Variants in CIB1 observed in about 807,000 individuals in gnomAD.
CIB1 encodes the protein calcium and integrin binding 1.
In CIB1, 19 loss-of-function variants were observed where a neutral mutation model predicts 25.0. That is an observed-to-expected ratio of 0.76 (90% CI 0.53 to 1.12). CIB1 has a LOEUF of 1.12. Among genes scored for constraint, CIB1 ranks in the 50% most tolerant of loss-of-function variants. CIB1 has a pLI of 0.00. For missense variants in CIB1, 236 were observed against 242.6 expected, an observed-to-expected ratio of 0.97 and a Z score of 0.18; for synonymous variants, 104 against 98.5, an observed-to-expected ratio of 1.06 and a Z score of -0.33.
the CIB1 span, chr15:90,258,452 G>T: frequency 1.5e-6 from 1 of 650,228 alleles, no homozygotes. Context: ...GTCAAATCTT[G>T]GTGGTTTTTG....
the CIB1 span, among the ~76,000 whole-genome samples, chr15:90,247,493 C>T: frequency 2.0e-5 from 3 of 151,056 alleles, no homozygotes; most frequent in East Asian, 3.9e-4. Context: ...GTCTGTGAAT[C>T]GGGCAGCCCA....
At chr15:90,233,950 CCTTGGGCCGCGTCA>C, upstream of CIB1, 1 of 1,430,332 alleles carries the variant, frequency 7.0e-7, no homozygotes, top group Non-Finnish European at 9.1e-7. Flanking sequence ...TCACTTCCGC[CCTTGGGCCGCGTCA>C]CTGCCCGGTC....
the CIB1 span, chr15:90,265,696 G>A: frequency 1.1e-5 from 17 of 1,613,012 alleles, no homozygotes; most frequent in Non-Finnish European, 1.4e-5. Context: ...GACTGCTGAA[G>A]GCTGGTTTGC....
At chr15:90,262,253 C>T in the CIB1 span, 71 of 1,431,246 alleles carry the variant, frequency 5.0e-5, 1 homozygote, top group East Asian at 5.0e-4. Flanking sequence ...AGCTGCATTG[C>T]TTCCCAGCAG....
chr15:90,262,970 T>C, the CIB1 span: 1 of 1,535,630 alleles, frequency 6.5e-7, no homozygotes, highest in Non-Finnish European at 8.7e-7. Flanking sequence ...TTGTAGCTGC[T>C]GCCGGGACAG....
At chr15:90,259,610 C>G in the CIB1 span, among the ~76,000 whole-genome samples, 10 of 152,320 alleles carry the variant, frequency 6.6e-5, no homozygotes, top group African/African-American at 2.4e-4. Flanking sequence ...TTCACACTGT[C>G]TGCACCCTGG....
the CIB1 span, chr15:90,262,723 C>T: frequency 7.1e-6 from 10 of 1,416,416 alleles, no homozygotes; most frequent in East Asian, 2.5e-4. Flanking sequence ...GTTGGGACAA[C>T]TAGATAGGGG....
chr15:90,263,985 C>A, the CIB1 span: 3 of 1,535,974 alleles, frequency 2.0e-6, no homozygotes, highest in South Asian at 2.4e-5. Flanking sequence ...CGGCAGCCAT[C>A]AACTCCTGTT....
At chr15:90,248,697 C>A in the CIB1 span, among the ~76,000 whole-genome samples, 8 of 106,958 alleles carry the variant, frequency 7.5e-5, no homozygotes, top group East Asian at 2.2e-3. Context: ...CCAGCCTGGG[C>A]TACAAAGCAA....
rs1048420091 is a variant in CIB1 at position 90,230,966 on chromosome 15, C to G, written c.522G>C (p.Gln174His). ...RDGTINLSEF[Q>H]HVISRSPDFA... ...AGTCTGGAGAACGGGAGATGACGTGCTGGAACTCAGAGAGGTTGATGGTTC... is the reference window on the plus strand; with the variant it reads ...AGTCTGGAGAACGGGAGATGACGTGGTGGAACTCAGAGAGGTTGATGGTTC... The change falls in exon 6 of 7, where the codon CAG becomes CAC. Residue 174 changes from glutamine to histidine, a missense_variant. Coordinates refer to ENST00000328649, the MANE Select transcript of CIB1 (RefSeq NM_006384.4). 6.2e-7 allele frequency: 1 copy of G among 1,614,182 alleles called. No homozygotes were observed. Among genetic ancestry groups the G allele is most frequent in the Middle Eastern group, 1.7e-4 (1 of 6,060 alleles).
the CIB1 span, among the ~76,000 whole-genome samples, chr15:90,248,094 C>T: frequency 6.6e-6 from 1 of 151,802 alleles, no homozygotes; most frequent in Non-Finnish European, 1.5e-5. Context: ...AGCTGAAGTG[C>T]AGTGGCATAA....
the CIB1 span, chr15:90,245,607 CA>C: frequency 3.3e-5 from 5 of 152,100 alleles, no homozygotes; most frequent in African/African-American, 1.2e-4. Context: ...TCCAGTATCA[CA>C]CTTAATTTTG....
chr15:90,247,448 T>C, the CIB1 span, among the ~76,000 whole-genome samples: 2 of 151,282 alleles, frequency 1.3e-5, no homozygotes, highest in Non-Finnish European at 1.5e-5. Flanking sequence ...GAGAGTTTCA[T>C]ATGAGAGTAT....
intron 6 of CIB1, 32 bp downstream of exon 6, chr15:90,230,902 G>C (rs370911524): frequency 6.3e-7 from 1 of 1,583,256 alleles, no homozygotes; most frequent in East Asian, 2.2e-5. Flanking sequence ...GAACCTGCAG[G>C]TACCCAGAAT....
At chr15:90,258,044 G>A in the CIB1 span, 1 of 1,614,014 alleles carries the variant, frequency 6.2e-7, no homozygotes, top group Non-Finnish European at 8.5e-7. Context: ...GCAGGAAGCT[G>A]TCGACACTCA....
the CIB1 span, chr15:90,256,293 C>A: frequency 6.2e-7 from 1 of 1,614,158 alleles, no homozygotes; most frequent in Non-Finnish European, 8.5e-7. Context: ...CAATACATCT[C>A]CAAGGTGAAG....
the CIB1 span, chr15:90,257,704 G>A: frequency 1.2e-6 from 2 of 1,614,136 alleles, no homozygotes; most frequent in South Asian, 2.2e-5. Context: ...GTCCGGGATG[G>A]CGCTGTGGGC....
intron 5 of CIB1, 25 bp downstream of exon 5, chr15:90,231,070 C>A (rs1427341538): frequency 1.2e-6 from 2 of 1,613,472 alleles, no homozygotes; most frequent in Middle Eastern, 1.7e-4. Flanking sequence ...CTCCCTCCCG[C>A]TCCCAGGCCT....
At chr15:90,264,871 C>G in the CIB1 span, 4 of 1,536,008 alleles carry the variant, frequency 2.6e-6, no homozygotes, top group Non-Finnish European at 3.5e-6. Context: ...CCATGGTAAA[C>G]TCTGAACACA....
Sources: allele counts gnomAD v4.1 joint callset (sites outside exome capture counted in the v4.1 genomes callset), GRCh38; gene constraint gnomAD v4.1.1; transcripts MANE v1.5; gene names NCBI Gene and HGNC (gene_info 2026-07-23, HGNC 2026-07-21).